The following DMD variants were observed in gnomAD, a reference collection of about 807,000 sequenced individuals.
DMD encodes dystrophin.
A neutral mutation model predicts 330.1 loss-of-function variants in DMD; 63 were observed. That is an observed-to-expected ratio of 0.19 (90% CI 0.16 to 0.24). The LOEUF is 0.24. Among genes scored for constraint, DMD ranks in the 10% least tolerant of loss-of-function variants. The pLI is 1.00. For missense variants in DMD, 3,344 were observed against 2,684.1 expected (o/e 1.25, Z -5.43); for synonymous variants, 1,223 against 959.8 (o/e 1.27, Z -5.07).
intron 60 of DMD, among the ~76,000 whole-genome samples, chrX:31,440,684 G>C (rs2064875325): frequency 8.9e-6 from 1 of 112,145 alleles, no homozygotes; most frequent in Non-Finnish European, 1.9e-5. Flanking sequence ...TTAGATGAGA[G>C]AATGCACATG....
intron 55 of DMD, among the ~76,000 whole-genome samples, chrX:31,604,455 C>T (rs1030637707): frequency 3.6e-5 from 4 of 111,188 alleles, no homozygotes; most frequent in South Asian, 7.6e-4. Flanking sequence ...TTCGAGACAG[C>T]GCCAAAAGAT....
At chrX:32,104,419 G>T (rs1321376002) in intron 44 of DMD, among the ~76,000 whole-genome samples, 1 of 111,174 alleles carries the variant, frequency 9.0e-6, no homozygotes, top group Non-Finnish European at 1.9e-5. Flanking sequence ...TGAAGAAGCT[G>T]CCAGGACTGG....
chrX:32,536,200 G>A (rs1319491930), intron 17 of DMD, among the ~76,000 whole-genome samples: 4 of 101,421 alleles, frequency 3.9e-5, no homozygotes, highest in Non-Finnish European at 7.8e-5. Context: ...ACGGGGCAGA[G>A]GATGCAGTAA....
chrX:32,510,048 CT>C (rs1288251885), intron 18 of DMD, among the ~76,000 whole-genome samples: 1 of 111,572 alleles, frequency 9.0e-6, no homozygotes, highest in African/African-American at 3.3e-5. Flanking sequence ...TACTAAAGGT[CT>C]TTATATTTCA....
chrX:32,518,724 A>T (rs2046112589), intron 17 of DMD, among the ~76,000 whole-genome samples: 1 of 110,781 alleles, frequency 9.0e-6, no homozygotes, highest in Admixed American at 9.7e-5. Flanking sequence ...TTTTAAGGAA[A>T]CTTGATCTGT....
intron 44 of DMD, among the ~76,000 whole-genome samples, chrX:32,072,991 C>T: frequency 8.9e-6 from 1 of 111,986 alleles, no homozygotes; most frequent in Non-Finnish European, 1.9e-5. Flanking sequence ...TATCAACCAA[C>T]AAATAAAGGA....
intron 44 of DMD, among the ~76,000 whole-genome samples, chrX:32,145,908 C>T (rs989075147): frequency 9.0e-6 from 1 of 111,686 alleles, no homozygotes; most frequent in African/African-American, 3.2e-5. Flanking sequence ...AGGAGCAAGA[C>T]GTCAAGATAT....
At chrX:32,664,545 C>T (rs2061181827) in intron 9 of DMD, among the ~76,000 whole-genome samples, 1 of 111,574 alleles carries the variant, frequency 9.0e-6, no homozygotes, top group African/African-American at 3.3e-5. Flanking sequence ...CCGGCCAAAC[C>T]TGGCATAGTT....
At chrX:32,875,349 T>G (rs1234769961) in intron 2 of DMD, among the ~76,000 whole-genome samples, 1 of 112,118 alleles carries the variant, frequency 8.9e-6, no homozygotes, top group Non-Finnish European at 1.9e-5. Context: ...AGTCTGTATT[T>G]TCTCCTTTTC....
chrX:32,940,201 T>A (rs188204199), intron 2 of DMD, among the ~76,000 whole-genome samples: 135 of 112,055 alleles, frequency 1.2e-3, no homozygotes, highest in African/African-American at 4.2e-3. Context: ...GGAGATCTAA[T>A]GCACAGCATA....
At chrX:32,214,066 A>G (rs1184007770) in intron 44 of DMD, among the ~76,000 whole-genome samples, 3 of 111,408 alleles carry the variant, frequency 2.7e-5, no homozygotes, top group African/African-American at 6.5e-5. Context: ...ACCATTAGAC[A>G]TTCTCTGAAA....
chrX:32,394,059 G>A (rs1275835633), intron 30 of DMD, among the ~76,000 whole-genome samples: 1 of 111,558 alleles, frequency 9.0e-6, no homozygotes, highest in East Asian at 2.8e-4. Flanking sequence ...TAAAATTCAG[G>A]TCAATCAGAC....
intron 50 of DMD, among the ~76,000 whole-genome samples, chrX:31,787,388 A>C (rs1262797701): frequency 8.9e-6 from 1 of 112,256 alleles, no homozygotes; most frequent in Non-Finnish European, 1.9e-5. Flanking sequence ...ATAAATAAAA[A>C]GTTAATTATT....
At chrX:32,902,992 A>C (rs748878392) in intron 2 of DMD, among the ~76,000 whole-genome samples, 28 of 107,606 alleles carry the variant, frequency 2.6e-4, no homozygotes, top group Non-Finnish European at 3.8e-4. Context: ...CCCCATCTCT[A>C]CTAAAAATAC....
In DMD at chrX:32,364,715, A is replaced by G. The variant is rs1473497509; in HGVS notation, c.5026-5T>C. 2 of 1,205,709 alleles carry G rather than the reference A, an allele frequency of 1.7e-6. No individual in the cohort carries two copies. Among genetic ancestry groups the G allele is most frequent in the African/African-American group, 3.5e-5 (2 of 57,004 alleles). The stretch of plus-strand genomic sequence containing the variant: ...TTCCATGTGTTTCTGGTATTCCTTA[A>G]TTGTACAGAGACATACCATGGCATT... On this transcript the variant is annotated splice_region_variant and splice_polypyrimidine_tract_variant and intron_variant, in intron 35 of 78. Coordinates refer to ENST00000357033, the MANE Select transcript of DMD (RefSeq NM_004006.3).
At chrX:32,752,445 G>A (rs191930043) in intron 7 of DMD, among the ~76,000 whole-genome samples, 2 of 109,573 alleles carry the variant, frequency 1.8e-5, no homozygotes, top group Non-Finnish European at 1.9e-5. Context: ...CTCCTATTTG[G>A]AAGGGCTATA....
chrX:33,211,101 GT>G (rs1202931135), intron 1 of DMD, among the ~76,000 whole-genome samples, 180 bp downstream of exon 1: 2 of 111,382 alleles, frequency 1.8e-5, no homozygotes, highest in African/African-American at 6.5e-5. Context: ...CTGTTGAAAA[GT>G]TTTCCCAATG....
At chrX:32,068,863 T>G (rs1199698185) in intron 44 of DMD, among the ~76,000 whole-genome samples, 4 of 110,405 alleles carry the variant, frequency 3.6e-5, no homozygotes, top group Non-Finnish European at 7.6e-5. Flanking sequence ...GTGAGGTAGG[T>G]GAGATTGGAT....
intron 2 of DMD, among the ~76,000 whole-genome samples, chrX:32,896,735 T>G: frequency 8.9e-6 from 1 of 112,702 alleles, no homozygotes; most frequent in Middle Eastern, 4.6e-3. Context: ...CATTTTACAA[T>G]GACAAAATGA....
Sources: gnomAD v4.1 joint callset for allele counts (sites outside exome capture counted in the v4.1 genomes callset) on GRCh38, gnomAD v4.1.1 for gene constraint, MANE v1.5 for transcripts, NCBI Gene and HGNC (gene_info 2026-07-23, HGNC 2026-07-21) for gene names.